Variants in SLC15A5 observed in about 807,000 individuals in gnomAD.
The protein encoded by SLC15A5 is Peptide/histidine transporter ENSP00000340402.
SLC15A5 carries 58 observed loss-of-function variants against 56.1 expected under a neutral mutation model. That is an observed-to-expected ratio of 1.03 (90% CI 0.84 to 1.29). The LOEUF (loss-of-function observed/expected upper bound fraction) is 1.29. SLC15A5 is among the 50% of genes most tolerant of loss of function. SLC15A5 has a pLI of 0.00. For synonymous variants in SLC15A5, 264 were observed against 250.5 expected (o/e 1.05, Z -0.51); for missense variants, 681 against 672.1 (o/e 1.01, Z -0.15).
In SLC15A5 at chr12:16,224,958, A is replaced by G. The variant is rs552374180; in HGVS notation, c.1163-356T>C. On this transcript the variant is annotated intron_variant, in intron 5 of 8. Coordinates refer to ENST00000344941, the MANE Select transcript of SLC15A5 (RefSeq NM_001170798.1). Reference sequence around the variant, plus strand: ...TATTCTCATTGTTCAATTCCCACCTATGAGTGAGAACATGCGGTGTTTGGT... The same window carrying G: ...TATTCTCATTGTTCAATTCCCACCTGTGAGTGAGAACATGCGGTGTTTGGT... Among the ~76,000 whole-genome samples, 18 of 139,082 alleles carry G rather than the reference A, an allele frequency of 1.3e-4. No homozygotes were observed. In the East Asian group the frequency reaches 3.6e-3, roughly 28 times the overall value. The allele number at this position is 139,082 out of a possible 152,430, so 91.2% of individuals were successfully genotyped here.
At chr12:16,210,255 C>G (rs2136243730) in intron 7 of SLC15A5, among the ~76,000 whole-genome samples, 1 of 152,284 alleles carries the variant, frequency 6.6e-6, no homozygotes, top group Admixed American at 6.5e-5. Flanking sequence ...GCATGTGTCT[C>G]TAACTCTACC....
chr12:16,253,586 T>A (rs1468387174), intron 3 of SLC15A5, among the ~76,000 whole-genome samples: 1 of 152,034 alleles, frequency 6.6e-6, no homozygotes, highest in Non-Finnish European at 1.5e-5. Context: ...AAAACCATAA[T>A]GAGGCTGGGT....
At chr12:16,274,380 G>A (rs1799507) in intron 1 of SLC15A5, among the ~76,000 whole-genome samples, 22,233 of 151,904 alleles carry the variant, frequency 0.15, 1,782 homozygotes, top group Admixed American at 0.24. Context: ...CTCCATGTTC[G>A]TTTTGCTCTT....
chr12:16,251,009 T>G (rs1292858290), intron 3 of SLC15A5, among the ~76,000 whole-genome samples: 1 of 151,932 alleles, frequency 6.6e-6, no homozygotes, highest in Admixed American at 6.6e-5. Context: ...ACTTTTGTCA[T>G]GGACAAAGTG....
At chr12:16,275,696 T>C (rs1390537373) in intron 1 of SLC15A5, among the ~76,000 whole-genome samples, 1 of 152,132 alleles carries the variant, frequency 6.6e-6, no homozygotes, top group East Asian at 1.9e-4. Context: ...AGTAAAAAAA[T>C]GAATGGATGT....
At chr12:16,206,838 G>A (rs1460383352) in intron 7 of SLC15A5, among the ~76,000 whole-genome samples, 1 of 152,142 alleles carries the variant, frequency 6.6e-6, no homozygotes, top group Non-Finnish European at 1.5e-5. Context: ...AAATTGCTAG[G>A]CATTGTTCAC....
intron 1 of SLC15A5, among the ~76,000 whole-genome samples, chr12:16,274,427 A>C (rs866521598): frequency 4.1e-4 from 63 of 152,066 alleles, no homozygotes; most frequent in African/African-American, 3.6e-4. Context: ...ATTTGGTATA[A>C]ATTTTTATAC....
chr12:16,208,785 G>T (rs1864047236), intron 7 of SLC15A5, among the ~76,000 whole-genome samples: 1 of 152,172 alleles, frequency 6.6e-6, no homozygotes, highest in African/African-American at 2.4e-5. Flanking sequence ...ATTTTTTAGT[G>T]TAAGAAGGTG....
chr12:16,238,398 C>T (rs1445604923), intron 5 of SLC15A5, among the ~76,000 whole-genome samples: 3 of 151,952 alleles, frequency 2.0e-5, no homozygotes, highest in African/African-American at 4.8e-5. Context: ...GAGGCCGAGG[C>T]GGGCGGATCA....
chr12:16,221,552 T>G (rs1864188158), intron 6 of SLC15A5, among the ~76,000 whole-genome samples: 1 of 152,154 alleles, frequency 6.6e-6, no homozygotes, highest in East Asian at 1.9e-4. Context: ...TGTAACCAAA[T>G]GTAGGTGGAA....
chr12:16,249,087 TTAA>T (rs1448217464), intron 3 of SLC15A5, among the ~76,000 whole-genome samples: 1 of 152,026 alleles, frequency 6.6e-6, no homozygotes, highest in Non-Finnish European at 1.5e-5. Context: ...TCTATGCTAC[TTAA>T]TTATAATTAA....
chr12:16,274,310 C>T (rs796651114), intron 1 of SLC15A5, among the ~76,000 whole-genome samples: 13 of 152,154 alleles, frequency 8.5e-5, no homozygotes, highest in African/African-American at 3.1e-4. Flanking sequence ...GATCTTCATT[C>T]ATACTAGTTA....
chr12:16,208,381 G>C (rs1011153324), intron 7 of SLC15A5, among the ~76,000 whole-genome samples: 1 of 152,120 alleles, frequency 6.6e-6, no homozygotes, highest in Admixed American at 6.6e-5. Flanking sequence ...ATGTCTCTCA[G>C]AAATAAAGTA....
chr12:16,231,437 C>A (rs553713930), intron 5 of SLC15A5, among the ~76,000 whole-genome samples: 1 of 152,256 alleles, frequency 6.6e-6, no homozygotes, highest in East Asian at 1.9e-4. Context: ...AATGAGGGAG[C>A]TACAATCTAA....
chr12:16,211,026 GC>G (rs1292349732), intron 7 of SLC15A5, among the ~76,000 whole-genome samples: 1 of 152,170 alleles, frequency 6.6e-6, no homozygotes. Flanking sequence ...AGGAACCAAG[GC>G]ACTAAACCAG....
intron 3 of SLC15A5, 98 bp downstream of exon 3, chr12:16,257,603 C>T (rs552449164): frequency 2.0e-6 from 2 of 1,002,606 alleles, no homozygotes; most frequent in African/African-American, 3.4e-5. Flanking sequence ...TTTTCAAATT[C>T]TGAGTTGAAA....
intron 7 of SLC15A5, among the ~76,000 whole-genome samples, chr12:16,215,575 C>G (rs951570865): frequency 2.6e-5 from 4 of 152,142 alleles, no homozygotes; most frequent in African/African-American, 4.8e-5. Context: ...AATCTGAGCA[C>G]TAGAGAAGTC....
intron 6 of SLC15A5, among the ~76,000 whole-genome samples, chr12:16,218,965 T>G (rs2417548): frequency 0.56 from 84,467 of 151,956 alleles, 23,752 homozygotes; most frequent in South Asian, 0.74. Context: ...CTTCCTTAAT[T>G]TAAAATTTCT....
intron 2 of SLC15A5, among the ~76,000 whole-genome samples, chr12:16,262,217 A>G (rs1864649268): frequency 6.6e-6 from 1 of 152,198 alleles, no homozygotes; most frequent in Non-Finnish European, 1.5e-5. Context: ...ATATCCTGTT[A>G]ATACTTCTTT....
Sources: gnomAD v4.1 joint callset for allele counts (sites outside exome capture counted in the v4.1 genomes callset) on GRCh38, gnomAD v4.1.1 for gene constraint, MANE v1.5 for transcripts, NCBI Gene and HGNC (gene_info 2026-07-23, HGNC 2026-07-21) for gene names.